The following CRADD variants were observed in gnomAD, a reference collection of about 807,000 sequenced individuals.
CRADD encodes the protein CARD and death domain containing adaptor protein, also known as death domain-containing protein CRADD.
Under a neutral mutation model 15.5 loss-of-function variants are expected in CRADD, and 9 were observed. The ratio of observed to expected loss-of-function variants is 0.58; its 90% CI spans 0.35 to 1.01. The LOEUF is 1.01. Ranked by LOEUF, CRADD falls within the 50% of genes least tolerant of loss-of-function variation. CRADD has a pLI of 0.02. For synonymous variants in CRADD, 118 were observed against 107.6 expected (o/e 1.10, Z -0.60); for missense variants, 227 against 250.3 (o/e 0.91, Z 0.63).
intron 2 of CRADD, among the ~76,000 whole-genome samples, chr12:93,679,510 G>T (rs1049050806): frequency 3.3e-5 from 5 of 152,168 alleles, no homozygotes; most frequent in Non-Finnish European, 5.9e-5. Flanking sequence ...GATGAAAGTG[G>T]GTAAGGATTT....
In CRADD at chr12:93,868,078, C is replaced by T. The variant is rs561343409; in HGVS notation, c.299-25972C>T. On this transcript the variant is annotated intron_variant, in intron 2 of 2. Transcript: ENST00000548483. ...TTAATTTACTGTTGGGGAGTATAGA[C>T]TTATTAAGTAGTAATTGGTAATTAT... Among the ~76,000 whole-genome samples, 4 of 152,158 alleles carry T rather than the reference C, an allele frequency of 2.6e-5. No homozygotes were observed. The East Asian group carries it at 7.7e-4, about 29-fold the overall frequency.
At chr12:93,867,098 TC>T (rs1237827897) in intron 2 of CRADD, among the ~76,000 whole-genome samples, 1 of 152,210 alleles carries the variant, frequency 6.6e-6, no homozygotes, top group East Asian at 1.9e-4. Flanking sequence ...TCCCCTTTAC[TC>T]CCAAATCATA....
intron 2 of CRADD, among the ~76,000 whole-genome samples, chr12:93,810,829 A>G (rs1957617912): frequency 1.3e-5 from 2 of 152,256 alleles, no homozygotes; most frequent in African/African-American, 4.8e-5. Flanking sequence ...CATTGTGACA[A>G]TCAGTTAACT....
At chr12:93,838,476 T>A (rs1337030765) in intron 2 of CRADD, among the ~76,000 whole-genome samples, 1 of 151,878 alleles carries the variant, frequency 6.6e-6, no homozygotes, top group Non-Finnish European at 1.5e-5. Context: ...GTGAGACAGC[T>A]GGGTTCAGAG....
At chr12:93,778,849 C>T (rs1248647693) in intron 2 of CRADD, among the ~76,000 whole-genome samples, 1 of 151,656 alleles carries the variant, frequency 6.6e-6, no homozygotes, top group African/African-American at 2.4e-5. Context: ...AATGAATTCA[C>T]AGGAGAACTC....
intron 2 of CRADD, among the ~76,000 whole-genome samples, chr12:93,718,814 C>T (rs1235613716): frequency 6.6e-6 from 1 of 151,524 alleles, no homozygotes; most frequent in African/African-American, 2.4e-5. Context: ...GGCTGGAGTG[C>T]AGTGGTGTGA....
At chr12:93,845,624 T>G (rs988941525) in intron 2 of CRADD, among the ~76,000 whole-genome samples, 5 of 151,732 alleles carry the variant, frequency 3.3e-5, no homozygotes, top group African/African-American at 4.8e-5. Flanking sequence ...AAAATAAACA[T>G]ACAACCAATC....
At chr12:93,807,839 A>G (rs781664563) in intron 2 of CRADD, among the ~76,000 whole-genome samples, 1 of 152,062 alleles carries the variant, frequency 6.6e-6, no homozygotes, top group Admixed American at 6.6e-5. Flanking sequence ...GCTATGTGCT[A>G]GGCACTGTTT....
intron 2 of CRADD, among the ~76,000 whole-genome samples, chr12:93,775,124 T>A (rs1166027580): frequency 6.6e-6 from 1 of 152,196 alleles, no homozygotes; most frequent in Admixed American, 6.5e-5. Flanking sequence ...CCTGTGAGCA[T>A]TTGGTGCTCA....
chr12:93,720,845 G>A (rs936171050), intron 2 of CRADD, among the ~76,000 whole-genome samples: 4 of 152,046 alleles, frequency 2.6e-5, no homozygotes, highest in African/African-American at 9.7e-5. Context: ...ATTGGGTTTT[G>A]TTTTTTGATC....
At chr12:93,865,479 G>A (rs1958358574) in intron 2 of CRADD, among the ~76,000 whole-genome samples, 1 of 151,684 alleles carries the variant, frequency 6.6e-6, no homozygotes, top group East Asian at 1.9e-4. Flanking sequence ...GTATAGTGGA[G>A]TGATCTGGGG....
intron 2 of CRADD, among the ~76,000 whole-genome samples, chr12:93,799,366 C>T (rs1026044193): frequency 2.0e-5 from 3 of 151,994 alleles, no homozygotes; most frequent in Non-Finnish European, 4.4e-5. Flanking sequence ...ATATTGTAAC[C>T]CAGCACACAC....
intron 2 of CRADD, among the ~76,000 whole-genome samples, chr12:93,770,914 A>G (rs764850064): frequency 1.7e-4 from 26 of 152,354 alleles, no homozygotes; most frequent in Non-Finnish European, 2.8e-4. Flanking sequence ...TTACAATCAA[A>G]TCTCTAAGAG....
chr12:93,847,609 C>T (rs1958145617), intron 2 of CRADD, among the ~76,000 whole-genome samples: 1 of 132,538 alleles, frequency 7.5e-6, no homozygotes, highest in Non-Finnish European at 1.6e-5. Flanking sequence ...ACAGTAACAA[C>T]AGCAACAACA....
At chr12:93,707,253 C>T (rs1168266759) in intron 2 of CRADD, among the ~76,000 whole-genome samples, 1 of 152,094 alleles carries the variant, frequency 6.6e-6, no homozygotes, top group African/African-American at 2.4e-5. Flanking sequence ...CTGTTTTTTG[C>T]TTTTTTAAAT....
intron 2 of CRADD, among the ~76,000 whole-genome samples, chr12:93,720,118 A>G (rs1956232587): frequency 6.6e-6 from 1 of 152,096 alleles, no homozygotes; most frequent in East Asian, 1.9e-4. Flanking sequence ...ACAAATTTTG[A>G]TAAGTTGTTT....
intron 2 of CRADD, among the ~76,000 whole-genome samples, chr12:93,814,562 G>C (rs1957669791): frequency 6.6e-6 from 1 of 152,208 alleles, no homozygotes; most frequent in Non-Finnish European, 1.5e-5. Context: ...ACTGCAGTTA[G>C]AATCAGAAGT....
At chr12:93,887,700 C>T (rs1042467828) in intron 2 of CRADD, among the ~76,000 whole-genome samples, 3 of 152,226 alleles carry the variant, frequency 2.0e-5, no homozygotes, top group Admixed American at 6.5e-5. Flanking sequence ...AAAGGCAACT[C>T]ATCTTTTTGA....
chr12:93,740,436 A>T (rs1411231689), intron 2 of CRADD, among the ~76,000 whole-genome samples: 3 of 152,162 alleles, frequency 2.0e-5, no homozygotes, highest in Non-Finnish European at 4.4e-5. Flanking sequence ...CTATGACCTG[A>T]AGACTTTTTT....
Sources: gnomAD v4.1 joint callset for allele counts (sites outside exome capture counted in the v4.1 genomes callset) on GRCh38, gnomAD v4.1.1 for gene constraint, MANE v1.5 for transcripts, NCBI Gene and HGNC (gene_info 2026-07-23, HGNC 2026-07-21) for gene names.